KCNH7: variants seen among roughly 807,000 people sequenced by gnomAD.
KCNH7 encodes the protein potassium voltage-gated channel subfamily H member 7.
Under a neutral mutation model 120.8 loss-of-function variants are expected in KCNH7, and 49 were observed. That is an observed-to-expected ratio of 0.41 (90% CI 0.32 to 0.51). KCNH7 has a LOEUF of 0.51. KCNH7 is among the 20% of genes least tolerant of loss of function. The pLI is 0.38. For missense variants in KCNH7, 1,097 were observed against 1,446.6 expected (o/e 0.76, Z 3.92); for synonymous variants, 547 against 516.1 (o/e 1.06, Z -0.81).
intron 7 of KCNH7, among the ~76,000 whole-genome samples, chr2:162,439,833 A>AAT (rs369047495): frequency 1.4e-3 from 215 of 151,004 alleles, no homozygotes; most frequent in African/African-American, 4.4e-3. Context: ...CTATTTAAAA[A>AAT]ATATATATAT....
chr2:162,741,985 C>T (rs2105412130), intron 2 of KCNH7, among the ~76,000 whole-genome samples: 1 of 152,112 alleles, frequency 6.6e-6, no homozygotes, highest in East Asian at 1.9e-4. Flanking sequence ...TTTATTTTAT[C>T]ACTTGATGTG....
At chr2:162,522,952 T>C (rs957877576) in intron 3 of KCNH7, among the ~76,000 whole-genome samples, 4 of 151,898 alleles carry the variant, frequency 2.6e-5, no homozygotes, top group Admixed American at 2.6e-4. Context: ...TCATCAATCC[T>C]GGCATATGTA....
intron 2 of KCNH7, among the ~76,000 whole-genome samples, chr2:162,821,462 G>A (rs1472578961): frequency 6.6e-6 from 1 of 152,160 alleles, no homozygotes; most frequent in Non-Finnish European, 1.5e-5. Context: ...AACATTTTAG[G>A]CATCACAAGA....
chr2:162,649,602 T>C (rs1008369914), intron 2 of KCNH7, among the ~76,000 whole-genome samples: 3 of 151,828 alleles, frequency 2.0e-5, no homozygotes, highest in Non-Finnish European at 4.4e-5. Flanking sequence ...TGGCAGAACC[T>C]GAGAACAAAT....
chr2:162,517,810 C>T lies in KCNH7; in HGVS notation c.812G>A (p.Arg271Gln), dbSNP rs776350714. Residue 271 changes from arginine (R) to glutamine (Q), a missense_variant, in exon 4 of 16, where the codon CGG becomes CAG. Physicochemically the swap from Arg to Gln is conservative, Grantham distance 43. This residue lies in a region of KCNH7 where 362 missense variants were observed against 372.2 expected (regional missense o/e 0.97). Transcript: ENST00000332142. ...SRSRESLCSI[R>Q]RASSVHDIEG... ...TATATCATGGACCGAAGATGCTCTC[C>T]GTATACTACATAAGCTTTCCCTTGA... is the stretch of plus-strand genomic sequence containing the variant. The T allele has an allele frequency of 8.1e-6, 13 of 1,611,468 alleles. No individual in the cohort carries two copies. The highest frequency in any genetic ancestry group is 1.1e-5 in the South Asian group (1 of 91,022).
At position 162,535,202 on chromosome 2, in the gene KCNH7, T is replaced by C. The variant is rs576391452; in HGVS notation, c.463+1723A>G. Reference sequence around the variant, plus strand: ...GCCAGGGCGTAGTGTTCACTGTTGATTTCTTTTTAATGATACCTTGGAGGT... The same window carrying C: ...GCCAGGGCGTAGTGTTCACTGTTGACTTCTTTTTAATGATACCTTGGAGGT... On this transcript the variant is annotated intron_variant, in intron 3 of 15. Transcript: ENST00000332142. Among the ~76,000 whole-genome samples the C allele has an allele frequency of 8.0e-4, 122 of 151,876 alleles. No homozygotes were observed. In the Middle Eastern group the frequency reaches 0.01, roughly 13 times the overall value.
intron 9 of KCNH7, among the ~76,000 whole-genome samples, chr2:162,408,069 T>G (rs77117178): frequency 3.3e-5 from 5 of 152,062 alleles, no homozygotes; most frequent in Admixed American, 3.3e-4. Context: ...GGAATTTTAT[T>G]TGTAGAAGGA....
At chr2:162,569,252 T>C (rs1173992169) in intron 2 of KCNH7, among the ~76,000 whole-genome samples, 1 of 151,982 alleles carries the variant, frequency 6.6e-6, no homozygotes, top group African/African-American at 2.4e-5. Context: ...CCTGGTTTAG[T>C]CTTGGGAGAG....
At chr2:162,643,804 C>CAA (rs781089376) in intron 2 of KCNH7, among the ~76,000 whole-genome samples, 141 of 90,226 alleles carry the variant, frequency 1.6e-3, no homozygotes, top group African/African-American at 2.5e-3. Flanking sequence ...GACTCTATCT[C>CAA]AAAAAAAAAA....
intron 2 of KCNH7, among the ~76,000 whole-genome samples, chr2:162,619,224 A>G (rs1382453885): frequency 6.6e-6 from 1 of 152,096 alleles, no homozygotes; most frequent in East Asian, 1.9e-4. Flanking sequence ...AATATGATAC[A>G]ATTCACTTTA....
intron 6 of KCNH7, among the ~76,000 whole-genome samples, chr2:162,457,720 A>G (rs573123138): frequency 6.6e-6 from 1 of 152,300 alleles, no homozygotes; most frequent in East Asian, 1.9e-4. Context: ...GAAGCTGCTC[A>G]TCAGTTATTT....
At chr2:162,663,043 G>T (rs1261388082) in intron 2 of KCNH7, among the ~76,000 whole-genome samples, 2 of 152,148 alleles carry the variant, frequency 1.3e-5, no homozygotes, top group East Asian at 1.9e-4. Context: ...CTCTTACATG[G>T]TGGTTATTAG....
intron 9 of KCNH7, among the ~76,000 whole-genome samples, chr2:162,422,433 G>C (rs1687736682): frequency 1.3e-5 from 2 of 152,038 alleles, no homozygotes; most frequent in South Asian, 4.1e-4. Flanking sequence ...TTAGAAACAG[G>C]GTCCTTGCCC....
chr2:162,374,150 C>G (rs984014869), intron 14 of KCNH7, among the ~76,000 whole-genome samples: 2 of 152,096 alleles, frequency 1.3e-5, no homozygotes, highest in Non-Finnish European at 2.9e-5. Flanking sequence ...CTGTCCTATT[C>G]ATATTAAGTA....
chr2:162,765,745 C>A (rs980195331), intron 2 of KCNH7, among the ~76,000 whole-genome samples: 15 of 152,170 alleles, frequency 9.9e-5, no homozygotes, highest in African/African-American at 3.4e-4. Flanking sequence ...TGACAAAATT[C>A]TGAATATTTT....
In KCNH7 at chr2:162,830,598, T is replaced by A. The variant is rs1287429051; in HGVS notation, c.307+5939A>T. Among the ~76,000 whole-genome samples the A allele has an allele frequency of 2.0e-5, 3 of 152,322 alleles. No homozygotes were observed. In the East Asian group the frequency reaches 5.8e-4, roughly 29 times the overall value. On this transcript the variant is annotated intron_variant, in intron 2 of 15. Transcript: ENST00000332142. ...TGGATTTCTCTAAACATACCTATAATGGTTTGAATGTAGTGTTCCTTCAAC... is the reference window on the plus strand; with the variant it reads ...TGGATTTCTCTAAACATACCTATAAAGGTTTGAATGTAGTGTTCCTTCAAC...
chr2:162,427,885 A>G (rs1239882209), intron 8 of KCNH7, among the ~76,000 whole-genome samples: 2 of 151,678 alleles, frequency 1.3e-5, no homozygotes, highest in Non-Finnish European at 3.0e-5. Flanking sequence ...TCTTTCTTTC[A>G]TACAGGACAG....
chr2:162,752,959 A>AAAAGAAAAGAAAAGAAAAG (rs1688636106), intron 2 of KCNH7, among the ~76,000 whole-genome samples: 1 of 113,604 alleles, frequency 8.8e-6, no homozygotes, highest in African/African-American at 5.4e-5. Flanking sequence ...AAAAGAAAAG[A>AAAAGAAAAGAAAAGAAAAG]AAAGAAAAGA....
chr2:162,434,364 A>G (rs1005300593), intron 8 of KCNH7, among the ~76,000 whole-genome samples: 1 of 152,106 alleles, frequency 6.6e-6, no homozygotes, highest in Non-Finnish European at 1.5e-5. Flanking sequence ...ACCTGTGCAC[A>G]TACCCCCTGA....
Sources: allele counts gnomAD v4.1 joint callset (sites outside exome capture counted in the v4.1 genomes callset), GRCh38; gene constraint gnomAD v4.1.1; regional missense constraint gnomAD v4.1.1; transcripts MANE v1.5; gene names NCBI Gene and HGNC (gene_info 2026-07-23, HGNC 2026-07-21).